The following ARID5B variants were observed in gnomAD, a reference collection of about 807,000 sequenced individuals.
ARID5B encodes AT-rich interaction domain 5B.
ARID5B carries 13 observed loss-of-function variants against 97.2 expected under a neutral mutation model. The ratio of observed to expected loss-of-function variants is 0.13; its 90% confidence interval spans 0.09 to 0.21. The LOEUF is 0.21. Ranked by LOEUF, ARID5B falls within the 10% of genes least tolerant of loss-of-function variation. The pLI is 1.00. For missense variants in ARID5B, 1,210 were observed against 1,465.3 expected (o/e 0.83, Z 2.84); for synonymous variants, 556 against 570.3 (o/e 0.97, Z 0.36).
At chr10:61,910,730 C>G (rs777759769) in intron 2 of ARID5B, among the ~76,000 whole-genome samples, 1 of 152,218 alleles carries the variant, frequency 6.6e-6, no homozygotes, top group Non-Finnish European at 1.5e-5. Context: ...GCATCAATCT[C>G]TCGCACACAC....
intron 3 of ARID5B, among the ~76,000 whole-genome samples, chr10:61,988,627 A>G (rs893612109): frequency 1.2e-4 from 19 of 152,184 alleles, no homozygotes; most frequent in African/African-American, 4.6e-4. Context: ...TCTCCTAGCT[A>G]TATTTCAGAA....
intron 2 of ARID5B, among the ~76,000 whole-genome samples, chr10:61,920,330 T>C (rs969801774): frequency 5.4e-5 from 2 of 36,726 alleles, no homozygotes; most frequent in Admixed American, 2.3e-4. Context: ...TGAATCTTTG[T>C]TTTTTTTTTT....
At chr10:62,070,744 C>A (rs889658246) in intron 8 of ARID5B, among the ~76,000 whole-genome samples, 1 of 152,190 alleles carries the variant, frequency 6.6e-6, no homozygotes. Flanking sequence ...GATTGCCTTA[C>A]TTGGCAGGGT....
intron 4 of ARID5B, among the ~76,000 whole-genome samples, chr10:62,010,389 T>A (rs1036655717): frequency 6.6e-6 from 1 of 152,202 alleles, no homozygotes; most frequent in Non-Finnish European, 1.5e-5. Flanking sequence ...ATGGCTTCAG[T>A]TGCATTTCTC....
intron 4 of ARID5B, among the ~76,000 whole-genome samples, chr10:62,001,155 C>A (rs139095752): frequency 6.6e-6 from 1 of 152,288 alleles, no homozygotes; most frequent in African/African-American, 2.4e-5. Flanking sequence ...GTTGAGGAGA[C>A]TGGATCATAT....
chr10:62,071,857 C>T (rs1840069830), intron 8 of ARID5B, among the ~76,000 whole-genome samples: 1 of 152,128 alleles, frequency 6.6e-6, no homozygotes, highest in Non-Finnish European at 1.5e-5. Flanking sequence ...CTTTCTCACT[C>T]GATTAAACTT....
intron 3 of ARID5B, among the ~76,000 whole-genome samples, chr10:61,961,340 G>A (rs1413389540): frequency 6.6e-6 from 1 of 152,072 alleles, no homozygotes; most frequent in Non-Finnish European, 1.5e-5. Context: ...CATTGACTTG[G>A]GTACCGCTAG....
intron 5 of ARID5B, among the ~76,000 whole-genome samples, chr10:62,054,171 G>C (rs151071922): frequency 5.3e-5 from 8 of 152,112 alleles, no homozygotes; most frequent in African/African-American, 1.4e-4. Context: ...GTTCAGGTCA[G>C]GAAAAACAGA....
chr10:62,066,746 T>C (rs1321817396), intron 7 of ARID5B, among the ~76,000 whole-genome samples: 4 of 152,204 alleles, frequency 2.6e-5, no homozygotes, highest in Non-Finnish European at 4.4e-5. Flanking sequence ...AAGTGTATCA[T>C]AGGGCATTCC....
chr10:61,946,908 G>A (rs569964119), intron 3 of ARID5B, among the ~76,000 whole-genome samples: 4 of 152,180 alleles, frequency 2.6e-5, no homozygotes, highest in Admixed American at 6.5e-5. Flanking sequence ...GCAACAGAGT[G>A]AGACTCTGTC....
At chr10:61,967,148 T>C (rs1444117748) in intron 3 of ARID5B, among the ~76,000 whole-genome samples, 1 of 152,178 alleles carries the variant, frequency 6.6e-6, no homozygotes, top group African/African-American at 2.4e-5. Context: ...TACATTTGGA[T>C]TATATCTTCC....
At position 62,096,858 on chromosome 10, in the gene ARID5B, T is replaced by C. The variant is rs1032578987; in HGVS notation, c.*3828T>C. On this transcript the variant is annotated 3_prime_UTR_variant, in exon 10 of 10. Coordinates refer to ENST00000279873, the MANE Select transcript of ARID5B (RefSeq NM_032199.3). ...CTTTTGATACTGTATTACGTGCCAATAGTTTCCCAATCACATAGCAGGCAA... is the reference window on the plus strand; with the variant it reads ...CTTTTGATACTGTATTACGTGCCAACAGTTTCCCAATCACATAGCAGGCAA... The C allele has an allele frequency of 1.4e-4, 32 of 233,466 alleles. No homozygotes were observed. The highest frequency in any genetic ancestry group is 6.6e-4 in the African/African-American group (30 of 45,350). 14.5% of individuals were successfully genotyped at this position (233,466 alleles called of 1,614,324 possible).
At chr10:61,929,384 G>C (rs1270674749) in intron 2 of ARID5B, among the ~76,000 whole-genome samples, 1 of 152,078 alleles carries the variant, frequency 6.6e-6, no homozygotes, top group African/African-American at 2.4e-5. Context: ...TGCATTTATT[G>C]TCCTTGGGAT....
chr10:62,076,561 CA>C (rs11363274), intron 8 of ARID5B, among the ~76,000 whole-genome samples: 33,151 of 92,630 alleles, frequency 0.36, 4,436 homozygotes, highest in Middle Eastern at 0.49. Flanking sequence ...GACTCTGTCT[CA>C]AAAAAAAAAA....
Position 62,092,509 on chromosome 10 carries a change from C to G in ARID5B, c.3046C>G (p.Leu1016Val), listed in dbSNP as rs761958341. The change falls in exon 10 of 10, where the codon CTG (leucine) becomes GTG (valine). Residue 1016 changes from leucine to valine, a missense_variant. Coordinates refer to ENST00000279873, the MANE Select transcript of ARID5B (RefSeq NM_032199.3). Reference sequence around the variant, plus strand: ...GGCGGCGCGGCCGATCAAGCGCAGCCTGGAGGATTTGGACCTTGTGATTGC... The same window carrying G: ...GGCGGCGCGGCCGATCAAGCGCAGCGTGGAGGATTTGGACCTTGTGATTGC... ...IGAARPIKRS[L>V]EDLDLVIAGK... 1 of 1,614,178 alleles carries G rather than the reference C, an allele frequency of 6.2e-7. No homozygotes were observed. The highest frequency in any genetic ancestry group is 1.7e-5 in the Admixed American group (1 of 60,036).
chr10:62,094,057 A>G lies in ARID5B; in HGVS notation c.*1027A>G. On this transcript the variant is annotated 3_prime_UTR_variant, in exon 10 of 10. Coordinates refer to ENST00000279873, the MANE Select transcript of ARID5B (RefSeq NM_032199.3). ...TCTAGGCTGTGAAACTGTCCTACAT[A>G]CCAGAGAATCATAAAAACAAAAACC... is the stretch of plus-strand genomic sequence containing the variant. 2 of 233,644 alleles carry G rather than the reference A, an allele frequency of 8.6e-6. No homozygotes were observed. 14.5% of individuals were successfully genotyped at this position (233,644 alleles called of 1,614,324 possible). A position where few individuals can be genotyped will look rare whatever the true frequency, so the allele number is the denominator to read the frequency against.
chr10:61,923,223 A>G (rs77872570), intron 2 of ARID5B, among the ~76,000 whole-genome samples: 1,684 of 152,212 alleles, frequency 0.011, 29 homozygotes, highest in African/African-American at 0.039. Flanking sequence ...CTCTGCCCAC[A>G]GTGTCCTGTG....
At chr10:61,971,384 C>CA (rs1475523994) in intron 3 of ARID5B, among the ~76,000 whole-genome samples, 2 of 152,052 alleles carry the variant, frequency 1.3e-5, no homozygotes, top group African/African-American at 2.4e-5. Flanking sequence ...GAACTGGCAC[C>CA]AAAAAAATGA....
At chr10:62,011,162 C>G (rs1357080700) in intron 4 of ARID5B, among the ~76,000 whole-genome samples, 1 of 152,132 alleles carries the variant, frequency 6.6e-6, no homozygotes, top group Non-Finnish European at 1.5e-5. Context: ...TCATAACACA[C>G]AGGATTCAGC....
Sources: gnomAD v4.1 joint callset for allele counts (sites outside exome capture counted in the v4.1 genomes callset) on GRCh38, gnomAD v4.1.1 for gene constraint, MANE v1.5 for transcripts, NCBI Gene and HGNC (gene_info 2026-07-23, HGNC 2026-07-21) for gene names.